Variants in PHYKPL observed in about 807,000 individuals in gnomAD.
PHYKPL encodes the protein 5-phosphohydroxy-L-lysine phospho-lyase.
PHYKPL carries 42 observed loss-of-function variants against 51.3 expected under a neutral mutation model. The observed-to-expected ratio is 0.82, with a 90% CI of 0.64 to 1.06. The LOEUF is 1.06. PHYKPL is among the 50% of genes least tolerant of loss of function. PHYKPL has a pLI of 0.00. For missense variants in PHYKPL, 655 were observed against 586.6 expected (o/e 1.12, Z -1.20); for synonymous variants, 264 against 236.0 (o/e 1.12, Z -1.09).
At chr5:178,220,950 A>G (rs2113861034) in intron 8 of PHYKPL, among the ~76,000 whole-genome samples, 1 of 152,294 alleles carries the variant, frequency 6.6e-6, no homozygotes, top group South Asian at 2.1e-4. Flanking sequence ...CAACTAAATA[A>G]TATGGGATTG....
intron 1 of PHYKPL, 49 bp from the exon 2 acceptor site, chr5:178,231,572 G>C: frequency 2.5e-6 from 4 of 1,613,760 alleles, no homozygotes; most frequent in Non-Finnish European, 3.4e-6. Context: ...GACCGAAAGG[G>C]TGAAGTCTAC....
Position 178,222,842 on chromosome 5 carries a change from A to G in PHYKPL, c.701+10T>C. ...GCCCTCCCTAGAGCAGACCCCGCCC[A>G]CCTACTCACTCTGCCACTTGGGAGA... On this transcript the variant is annotated intron_variant, in intron 7 of 12. Transcript: ENST00000308158. The G allele has an allele frequency of 6.2e-7, 1 of 1,613,902 alleles. No homozygotes were observed. The highest frequency in any genetic ancestry group is 8.5e-7 in the Non-Finnish European group (1 of 1,179,858).
chr5:178,211,713 C>G, intron 12 of PHYKPL, 177 bp downstream of exon 12: 1 of 594,198 alleles, frequency 1.7e-6, no homozygotes. Flanking sequence ...TTCCTGCCAT[C>G]AAGTGCAAGC....
chr5:178,230,111 C>T lies in PHYKPL; in HGVS notation c.179-12G>A, dbSNP rs200798526. The T allele has an allele frequency of 1.1e-4, 171 of 1,612,742 alleles. No individual in the cohort carries two copies. Among genetic ancestry groups the T allele is most frequent in the Admixed American group, 1.0e-4 (6 of 60,000 alleles). Reference sequence around the variant, plus strand: ...GTGGCAGTGCCCAACTGGAAGAGGGCCGCCTCCGTCACACGGCTGGCTCCA... The same window carrying T: ...GTGGCAGTGCCCAACTGGAAGAGGGTCGCCTCCGTCACACGGCTGGCTCCA... On this transcript the variant is annotated splice_polypyrimidine_tract_variant and intron_variant, in intron 2 of 12. Transcript: ENST00000308158.
intron 2 of PHYKPL, 157 bp from the exon 3 acceptor site, chr5:178,230,256 C>T: frequency 2.3e-6 from 2 of 883,290 alleles, no homozygotes; most frequent in Non-Finnish European, 3.4e-6. Context: ...GAGAGAGAAG[C>T]TGGTTCTGGA....
chr5:178,224,680 A>G lies in PHYKPL; in HGVS notation c.463T>C (p.Phe155Leu). The G allele has an allele frequency of 6.2e-7, 1 of 1,614,194 alleles. No homozygotes were observed. The highest frequency in any genetic ancestry group is 8.5e-7 in the Non-Finnish European group (1 of 1,180,026). Residue 155 changes from phenylalanine (F) to leucine (L), a missense_variant, in exon 5 of 13, where the codon TTC (phenylalanine) becomes CTC (leucine). Phe to Leu is a conservative substitution (Grantham distance 22). Coordinates refer to ENST00000308158, the MANE Select transcript of PHYKPL (RefSeq NM_153373.4). ...SSLIDISPYK[F>L]RNLDGQKEWV... ...TCCTTCTGGCCATCCAGGTTGCGGA[A>G]CTTGTAGGGACTGATGTCAATCAGG... is the stretch of plus-strand genomic sequence containing the variant.
chr5:178,221,961 CAG>C (rs1215119727), intron 8 of PHYKPL, among the ~76,000 whole-genome samples: 1 of 152,194 alleles, frequency 6.6e-6, no homozygotes, highest in Non-Finnish European at 1.5e-5. Flanking sequence ...ACCCCAAAGA[CAG>C]GGAGCCACTG....
chr5:178,212,861 T>C, intron 11 of PHYKPL, 112 bp downstream of exon 11: 2 of 1,426,854 alleles, frequency 1.4e-6, no homozygotes, highest in Non-Finnish European at 1.9e-6. Flanking sequence ...CCAGAGGACA[T>C]GTGCCTCTGC....
intron 10 of PHYKPL, among the ~76,000 whole-genome samples, chr5:178,213,880 T>C (rs1759185369): frequency 1.3e-5 from 2 of 152,258 alleles, no homozygotes; most frequent in Non-Finnish European, 1.5e-5. Context: ...TCTTGCCACC[T>C]AGCAGGGTAA....
At chr5:178,207,828 G>A (rs952815210), downstream of PHYKPL, among the ~76,000 whole-genome samples, 3 of 150,936 alleles carry the variant, frequency 2.0e-5, no homozygotes, top group Non-Finnish European at 2.9e-5. Context: ...TCAGCCTCTC[G>A]AGTAGCTGGG....
Position 178,210,588 on chromosome 5 carries a change from CGTG to C in PHYKPL, c.*31+1299_*31+1301del, listed in dbSNP as rs547368432. 301 of 1,614,092 alleles carry C rather than the reference CGTG, an allele frequency of 1.9e-4. 1 individual carries two copies. In the East Asian group the frequency reaches 6.0e-3, roughly 32 times the overall value. On this transcript the variant is annotated intron_variant, in intron 12 of 12. Transcript: ENST00000308158. ...TACAAACTACGGCAAGAGCCAGCGA[CGTG>C]GTGGCCATCAGAATAACTACAAGCC...
chr5:178,220,269 C>T (rs949053138), intron 8 of PHYKPL, among the ~76,000 whole-genome samples: 10 of 150,166 alleles, frequency 6.7e-5, no homozygotes, highest in Non-Finnish European at 1.0e-4. Context: ...GAGGCTGAGG[C>T]GGGCGGATTA....
At chr5:178,218,273 A>C (rs1037573328) in intron 8 of PHYKPL, among the ~76,000 whole-genome samples, 1 of 151,702 alleles carries the variant, frequency 6.6e-6, no homozygotes, top group African/African-American at 2.4e-5. Context: ...AGACCCAAGG[A>C]CACAAGCATA....
At chr5:178,211,040 T>C (rs1355177171) in intron 12 of PHYKPL, 1 of 196,554 alleles carries the variant, frequency 5.1e-6, no homozygotes, top group African/African-American at 2.4e-5. Context: ...TTAATTTTAC[T>C]GTACTTTTTG....
chr5:178,210,422 G>C, intron 12 of PHYKPL: 1 of 1,529,384 alleles, frequency 6.5e-7, no homozygotes, highest in Non-Finnish European at 8.9e-7. Flanking sequence ...TAGACTTCGG[G>C]GTCTTAATAA....
chr5:178,232,279 G>A (rs930325311), intron 1 of PHYKPL: 11 of 1,242,270 alleles, frequency 8.9e-6, no homozygotes, highest in Non-Finnish European at 8.1e-6. Context: ...TCGGGGAGGC[G>A]GCCCCGGAGA....
chr5:178,209,523 C>A, intron 12 of PHYKPL: 1 of 1,294,894 alleles, frequency 7.7e-7, no homozygotes. Context: ...TTGGGGCTCC[C>A]TCTGGTGCTG....
chr5:178,230,778 C>A (rs116650915), intron 2 of PHYKPL: 1 of 154,676 alleles, frequency 6.5e-6, no homozygotes, highest in Non-Finnish European at 1.4e-5. Flanking sequence ...TCTCCAAACA[C>A]CTTAAAGTGG....
At chr5:178,232,017 C>A in intron 1 of PHYKPL, 1 of 1,202,640 alleles carries the variant, frequency 8.3e-7, no homozygotes, top group Admixed American at 3.5e-5. Flanking sequence ...CCACCGAGGG[C>A]CCCCTCACAG....
Sources: gnomAD v4.1 joint callset for allele counts (sites outside exome capture counted in the v4.1 genomes callset) on GRCh38, gnomAD v4.1.1 for gene constraint, MANE v1.5 for transcripts, NCBI Gene and HGNC (gene_info 2026-07-23, HGNC 2026-07-21) for gene names.